MYH8: variants seen among roughly 807,000 people sequenced by gnomAD.
The protein encoded by MYH8 is myosin heavy chain 8.
MYH8 carries 168 observed loss-of-function variants against 233.2 expected under a neutral mutation model. The ratio of observed to expected loss-of-function variants is 0.72; its 90% CI spans 0.64 to 0.82. MYH8 has a LOEUF of 0.82. Ranked by LOEUF, MYH8 falls within the 40% of genes least tolerant of loss-of-function variation. The pLI is 0.00. For missense variants in MYH8, 1,995 were observed against 2,327.8 expected (o/e 0.86, Z 2.94); for synonymous variants, 785 against 850.6 (o/e 0.92, Z 1.34).
chr17:10,398,309 C>T (rs1451833603), intron 30 of MYH8, 135 bp downstream of exon 30: 5 of 1,284,534 alleles, frequency 3.9e-6, no homozygotes, highest in East Asian at 4.9e-5. Flanking sequence ...GATATACATG[C>T]ATACATTATA....
At position 10,391,865 on chromosome 17, in the gene MYH8, G is replaced by A; in HGVS notation, c.5664+17C>T. Reference sequence around the variant, plus strand: ...AAAGAAATTTCCTTCTTTCCTCAAGGGCTTAAAGATACTTACAGCCTCCTC... The same window carrying A: ...AAAGAAATTTCCTTCTTTCCTCAAGAGCTTAAAGATACTTACAGCCTCCTC... On this transcript the variant is annotated intron_variant, in intron 39 of 39. Coordinates refer to ENST00000403437, the MANE Select transcript of MYH8 (RefSeq NM_002472.3). 1 of 1,600,246 alleles carries A rather than the reference G, an allele frequency of 6.2e-7. No individual in the cohort carries two copies. Among genetic ancestry groups the A allele is most frequent in the Non-Finnish European group, 8.6e-7 (1 of 1,167,552 alleles).
rs78250646 is a variant in MYH8, at chr17:10,400,833, T to C, written c.3345+36A>G. ...AACTCATCTCAACTTCAGTGTTTTT[T>C]TGGTGTGCAGAAAAAATAGAGGTGA... On this transcript the variant is annotated intron_variant, in intron 26 of 39. Coordinates refer to ENST00000403437, the MANE Select transcript of MYH8 (RefSeq NM_002472.3). This position sits in a 1 kb window ranked among gnomAD's most constrained non-coding sequence, Gnocchi z 4.0. 5.4e-3 allele frequency: 8,640 copies of C among 1,613,876 alleles called. 424 individuals carry two copies. The African/African-American group carries it at 0.1, about 19-fold the overall frequency.
intron 17 of MYH8, among the ~76,000 whole-genome samples, chr17:10,408,438 C>G (rs977624095): frequency 6.6e-6 from 1 of 152,038 alleles, no homozygotes; most frequent in African/African-American, 2.4e-5. Context: ...GGTCGTATGT[C>G]GTGTCTGTAT....
intron 30 of MYH8, among the ~76,000 whole-genome samples, chr17:10,397,372 G>T (rs1236308817): frequency 6.6e-6 from 1 of 152,160 alleles, no homozygotes; most frequent in Non-Finnish European, 1.5e-5. Flanking sequence ...GGGATTACAG[G>T]TGTGAGCCAC....
Position 10,418,726 on chromosome 17 carries a change from C to A in MYH8, c.430G>T (p.Ala144Ser). ...LPVYKPEVVAAYRGKKRQEAP... is the reference protein window; with the variant it reads ...LPVYKPEVVASYRGKKRQEAP... ...TCCTGGCGCTTTTTGCCTCTGTAGGCAGCCACCACCTCGGGCTTGTACACC... is the reference window on the plus strand; with the variant it reads ...TCCTGGCGCTTTTTGCCTCTGTAGGAAGCCACCACCTCGGGCTTGTACACC... Residue 144 changes from alanine to serine, a missense_variant, in exon 5 of 40, where the codon GCC (alanine) becomes TCC (serine). Around this residue, in one of 3 missense-constraint regions of MYH8, gnomAD observed 479 missense variants for 600.9 expected, o/e 0.80. Transcript: ENST00000403437. 6.2e-7 allele frequency: 1 copy of A among 1,613,912 alleles called. No homozygotes were observed. Among genetic ancestry groups the A allele is most frequent in the Non-Finnish European group, 8.5e-7 (1 of 1,179,862 alleles).
chr17:10,408,156 G>A (rs2072212324), intron 17 of MYH8, among the ~76,000 whole-genome samples: 1 of 151,968 alleles, frequency 6.6e-6, no homozygotes, highest in Non-Finnish European at 1.5e-5. Context: ...GGCCAGGCTG[G>A]TGTTGAATTC....
intron 38 of MYH8, 118 bp from the exon 39 acceptor site, chr17:10,392,095 T>G: frequency 1.2e-6 from 1 of 816,106 alleles, no homozygotes; most frequent in Non-Finnish European, 2.1e-6. Flanking sequence ...TGATCAACTC[T>G]GAGATTTTCT....
At chr17:10,397,831 C>T (rs2142171834) in intron 30 of MYH8, among the ~76,000 whole-genome samples, 1 of 152,278 alleles carries the variant, frequency 6.6e-6, no homozygotes, top group Admixed American at 6.5e-5. Context: ...ACAATCTCTC[C>T]TGGGAAAGAA....
In MYH8 at chr17:10,400,363, C is replaced by G. The variant is rs143837991; in HGVS notation, c.3735+27G>C. On this transcript the variant is annotated intron_variant, in intron 27 of 39. Transcript: ENST00000403437. This position sits in a 1 kb window ranked among gnomAD's most constrained non-coding sequence, Gnocchi z 4.0. ...TAATGGGTGTTCTTACAGATGATTA[C>G]CTTCATTTAGAGACAGTATTGGGTA... The G allele has an allele frequency of 9.3e-6, 15 of 1,608,868 alleles. No individual in the cohort carries two copies. Among genetic ancestry groups the G allele is most frequent in the Non-Finnish European group, 1.3e-5 (15 of 1,179,766 alleles).
In MYH8 at chr17:10,396,986, C is replaced by A. The variant is rs143515663; in HGVS notation, c.4179G>T (p.Lys1393Asn). 7.4e-6 allele frequency: 12 copies of A among 1,614,174 alleles called. No individual in the cohort carries two copies. In the African/African-American group the frequency reaches 1.6e-4, roughly 22 times the overall value. ...IQRTEELEEA[K>N]KKLAQRLQEA... is the part of the protein sequence containing the mutation. ...CTTGCAGGCGCTGGGCCAACTTTTT[C>A]CTGAAAAGTTAGCCAGGCAGTCAGG... The change falls in exon 31 of 40, where the codon AAG becomes AAT. Residue 1393 changes from lysine (K) to asparagine (N), a missense_variant and splice_region_variant. By Grantham distance (94) the Lys-to-Asn change is moderately conservative. Coordinates refer to ENST00000403437, the MANE Select transcript of MYH8 (RefSeq NM_002472.3). The surrounding 1 kb of genome is among the most constrained non-coding windows in gnomAD (Gnocchi z 4.2).
intron 30 of MYH8, among the ~76,000 whole-genome samples, chr17:10,398,078 G>A (rs756070706): frequency 6.6e-6 from 1 of 152,128 alleles, no homozygotes; most frequent in Non-Finnish European, 1.5e-5. Flanking sequence ...GTATGGTTTG[G>A]TGGCCTCCAA....
intron 38 of MYH8, 62 bp downstream of exon 38, chr17:10,392,480 T>C (rs1252523427): frequency 5.6e-6 from 8 of 1,419,516 alleles, no homozygotes; most frequent in Non-Finnish European, 1.0e-6. Context: ...TAAATAGTCA[T>C]AAGGTTTTCA....
Position 10,409,590 on chromosome 17 carries a change from T to C in MYH8, c.1588-2A>G, listed in dbSNP as rs761955318. On this transcript the variant is annotated splice_acceptor_variant, in intron 15 of 39. Coordinates refer to ENST00000403437, the MANE Select transcript of MYH8 (RefSeq NM_002472.3). LOFTEE classifies it high-confidence loss of function. ...CAGGATGGAGAAGATGCCCAGTGGCTGAATTCAGAAAAGTAACATTGGTGT... is the reference window on the plus strand; with the variant it reads ...CAGGATGGAGAAGATGCCCAGTGGCCGAATTCAGAAAAGTAACATTGGTGT... The C allele has an allele frequency of 6.2e-7, 1 of 1,614,060 alleles. No homozygotes were observed. Among genetic ancestry groups the C allele is most frequent in the African/African-American group, 1.3e-5 (1 of 74,940 alleles).
intron 2 of MYH8, among the ~76,000 whole-genome samples, chr17:10,420,640 G>A (rs2072330378): frequency 6.6e-6 from 1 of 152,224 alleles, no homozygotes; most frequent in Non-Finnish European, 1.5e-5. Context: ...ATCATATGGT[G>A]AGAAAAGAAA....
At chr17:10,413,835 G>A in intron 12 of MYH8, 67 bp downstream of exon 12, 1 of 1,610,508 alleles carries the variant, frequency 6.2e-7, no homozygotes. Context: ...GGAGATGTGA[G>A]TGTAAAATAG....
In MYH8 at chr17:10,401,184, C is replaced by T; in HGVS notation, c.3116G>A (p.Gly1039Glu). ...KLEQQVDDLEGSLEQEKKLRM... is the reference protein window; with the variant it reads ...KLEQQVDDLEESLEQEKKLRM... ...AAGCTTCTTTTCTTGTTCCAGAGAC[C>T]CTTCAAGCTAATAAGAAAGTAAATA... Residue 1039 changes from glycine to glutamate, a missense_variant, in exon 25 of 40, where the codon GGG (glycine) becomes GAG (glutamate). This residue lies in a region of MYH8 where 1,498 missense variants were observed against 1,680.9 expected (regional missense o/e 0.89). Coordinates refer to ENST00000403437, the MANE Select transcript of MYH8 (RefSeq NM_002472.3). The T allele has an allele frequency of 6.2e-7, 1 of 1,613,722 alleles. No homozygotes were observed. The highest frequency in any genetic ancestry group is 8.5e-7 in the Non-Finnish European group (1 of 1,179,952).
chr17:10,421,089 G>T (rs1206183652), intron 2 of MYH8, among the ~76,000 whole-genome samples: 1 of 152,138 alleles, frequency 6.6e-6, no homozygotes, highest in African/African-American at 2.4e-5. Context: ...CTGCAATGTG[G>T]ACATGTTAGA....
chr17:10,393,099 T>C lies in MYH8; in HGVS notation c.5278A>G (p.Lys1760Glu), dbSNP rs1281134325. Reference sequence around the variant, plus strand: ...GTTCATCTTACATCAGTGATGGCCTTCTTGGCTTTCTCTTCTGCATTGCGT... The same window carrying C: ...GTTCATCTTACATCAGTGATGGCCTCCTTGGCTTTCTCTTCTGCATTGCGT... Reference protein sequence around the residue: ...ESRNAEEKAKKAITDAAMMAE... With the variant: ...ESRNAEEKAKEAITDAAMMAE... Residue 1760 changes from lysine to glutamate, a missense_variant, in exon 36 of 40, where the codon AAG becomes GAG. By Grantham distance (56) the Lys-to-Glu change is moderately conservative (BLOSUM62 1). This residue lies in a region of MYH8 where 1,498 missense variants were observed against 1,680.9 expected (regional missense o/e 0.89). Coordinates refer to ENST00000403437, the MANE Select transcript of MYH8 (RefSeq NM_002472.3). 1 of 1,614,108 alleles carries C rather than the reference T, an allele frequency of 6.2e-7. No homozygotes were observed. Among genetic ancestry groups the C allele is most frequent in the Non-Finnish European group, 8.5e-7 (1 of 1,180,054 alleles).
At chr17:10,416,626 T>G (rs2072292407) in intron 5 of MYH8, among the ~76,000 whole-genome samples, 1 of 152,208 alleles carries the variant, frequency 6.6e-6, no homozygotes, top group Non-Finnish European at 1.5e-5. Context: ...ATTTTCTGAT[T>G]TTTTGATAGT....
Sources: gnomAD v4.1 joint callset for allele counts (sites outside exome capture counted in the v4.1 genomes callset) on GRCh38, gnomAD v4.1.1 for gene constraint, gnomAD v4.1.1 regional missense constraint, Gnocchi (gnomAD v3.1) non-coding constraint, MANE v1.5 for transcripts, NCBI Gene and HGNC (gene_info 2026-07-23, HGNC 2026-07-21) for gene names.